Variants in IARS1 observed in about 807,000 individuals in gnomAD.
IARS1 encodes the protein isoleucine--tRNA ligase, cytoplasmic.
Under a neutral mutation model 168.2 loss-of-function variants are expected in IARS1, and 124 were observed. The observed-to-expected ratio is 0.74, with a 90% CI of 0.64 to 0.86. The LOEUF is 0.86. Among genes scored for constraint, IARS1 ranks in the 40% least tolerant of loss-of-function variants. IARS1 has a pLI of 0.00. For missense variants in IARS1, 1,452 were observed against 1,515.8 expected (o/e 0.96, Z 0.70); for synonymous variants, 532 against 529.4 (o/e 1.00, Z -0.07).
chr9:92,223,013 A>G (rs1396808827), intron 32 of IARS1, among the ~76,000 whole-genome samples: 1 of 152,218 alleles, frequency 6.6e-6, no homozygotes, highest in Non-Finnish European at 1.5e-5. Flanking sequence ...CTATCAATCT[A>G]GTCTGTTGAT....
At position 92,251,772 on chromosome 9, in the gene IARS1, G is replaced by A. The variant is rs1418879912; in HGVS notation, c.2307+36C>T. ...AAGTAGGTGCTGAAGGCAGCCCATA[G>A]GCCAAAGGGTACTAGAAAGAAGCCA... is the stretch of plus-strand genomic sequence containing the variant. On this transcript the variant is annotated intron_variant, in intron 22 of 33. Coordinates refer to ENST00000443024, the MANE Select transcript of IARS1 (RefSeq NM_002161.6). 7 of 1,528,456 alleles carry A rather than the reference G, an allele frequency of 4.6e-6. No individual in the cohort carries two copies. The South Asian group carries it at 7.9e-5, about 17-fold the overall frequency. The allele number at this position is 1,528,456 out of a possible 1,614,324, so 94.7% of individuals were successfully genotyped here. A position where few individuals can be genotyped will look rare whatever the true frequency, so the allele number is the denominator to read the frequency against.
chr9:92,214,904 T>A (rs190212765), intron 33 of IARS1, among the ~76,000 whole-genome samples: 1 of 152,192 alleles, frequency 6.6e-6, no homozygotes. Flanking sequence ...GAAGCTCGAA[T>A]TGGGTGGAGC....
chr9:92,280,764 G>T lies in IARS1; in HGVS notation c.727C>A (p.Gln243Lys). The change falls in exon 7 of 34, where the codon CAA (glutamine) becomes AAA (lysine). Residue 243 changes from glutamine to lysine, a missense_variant. Physicochemically the swap from Gln to Lys is moderately conservative, Grantham distance 53. Transcript: ENST00000443024. ...CACTTACCTTTAATTTTCACATATT[G>T]CATTTCTGGATTAACACACACAGCA... Reference protein sequence around the residue: ...NLAVCVNPEMQYVKIKDVARG... With the variant: ...NLAVCVNPEMKYVKIKDVARG... The T allele has an allele frequency of 1.9e-6, 3 of 1,608,140 alleles. No individual in the cohort carries two copies. Among genetic ancestry groups the T allele is most frequent in the Non-Finnish European group, 2.5e-6 (3 of 1,176,866 alleles).
At chr9:92,227,244 TTTTCCCCACC>T (rs1825849299) in intron 31 of IARS1, among the ~76,000 whole-genome samples, 3 of 147,606 alleles carry the variant, frequency 2.0e-5, no homozygotes, top group African/African-American at 7.6e-5. Context: ...TTTCTCAATC[TTTTCCCCACC>T]TTTCCCCCCT....
chr9:92,246,419 T>C (rs1829208652), intron 26 of IARS1, among the ~76,000 whole-genome samples: 1 of 152,154 alleles, frequency 6.6e-6, no homozygotes, highest in Admixed American at 6.5e-5. Context: ...ATGATTCTAA[T>C]CATGGCAGAG....
chr9:92,275,250 T>A (rs1346261895), intron 9 of IARS1, among the ~76,000 whole-genome samples: 1 of 152,234 alleles, frequency 6.6e-6, no homozygotes. Flanking sequence ...GTGAACAAGC[T>A]ATTAGTAGTC....
rs574701329 is a variant in IARS1, at chr9:92,253,537, G to C, written c.2138-84C>G. On this transcript the variant is annotated intron_variant, in intron 20 of 33. Transcript: ENST00000443024. ...AGAGGGTTGGATACAACAAAGAAGG[G>C]GCAGCTCCTTCCATCCAAGTGCCTC... The C allele has an allele frequency of 2.6e-5, 21 of 822,882 alleles. No individual in the cohort carries two copies. The Admixed American group carries it at 4.5e-4, about 17-fold the overall frequency. 51.0% of individuals were successfully genotyped at this position (822,882 alleles called of 1,614,324 possible).
chr9:92,249,897 A>G lies in IARS1; in HGVS notation c.2577T>C (p.Ala859=). The change falls in exon 25 of 34, where the codon GCT becomes GCC. Residue 859 remains alanine (A), a synonymous_variant. Coordinates refer to ENST00000443024, the MANE Select transcript of IARS1 (RefSeq NM_002161.6). ...EIVVIHQDPE[A]LKDIKSLEKY... ...TCTCCAAAGACTTGATATCTTTAAG[A>G]GCTTCTGGATCTTGATGGATAACCA... 1 of 1,607,588 alleles carries G rather than the reference A, an allele frequency of 6.2e-7. No homozygotes were observed. Among genetic ancestry groups the G allele is most frequent in the Non-Finnish European group, 8.5e-7 (1 of 1,174,414 alleles).
intron 33 of IARS1, among the ~76,000 whole-genome samples, chr9:92,214,640 G>T (rs537924987): frequency 4.3e-4 from 65 of 152,260 alleles, no homozygotes; most frequent in African/African-American, 1.4e-3. Context: ...TTCCCTTTCC[G>T]AGTCAAAGAA....
chr9:92,210,989 C>G, intron 33 of IARS1, 100 bp from the exon 34 acceptor site: 1 of 765,096 alleles, frequency 1.3e-6, no homozygotes, highest in Non-Finnish European at 2.3e-6. Context: ...GGAATTTGGC[C>G]TTATCCTAAG....
chr9:92,259,038 A>ACAGTAAACCAATTATTAC, intron 18 of IARS1, 40 bp from the exon 19 acceptor site: 1 of 1,534,362 alleles, frequency 6.5e-7, no homozygotes, highest in Non-Finnish European at 8.8e-7. Flanking sequence ...AGGTACTTAG[A>ACAGTAAACCAATTATTAC]CAGTAAACCA....
chr9:92,277,986 T>C (rs550795628), intron 8 of IARS1, 63 bp from the exon 9 acceptor site: 1 of 1,467,652 alleles, frequency 6.8e-7, no homozygotes, highest in Admixed American at 1.7e-5. Context: ...TGCAGCCACA[T>C]CAAGCTACCA....
At chr9:92,289,219 A>AAG (rs1468422576) in intron 2 of IARS1, 82 bp downstream of exon 2, 2 of 604,960 alleles carry the variant, frequency 3.3e-6, no homozygotes, top group African/African-American at 1.9e-5. Flanking sequence ...AAAAAAAAAA[A>AAG]AAAAAAAAGT....
intron 20 of IARS1, 65 bp from the exon 21 acceptor site, chr9:92,253,518 T>C: frequency 2.9e-6 from 3 of 1,031,782 alleles, no homozygotes; most frequent in Non-Finnish European, 3.0e-6. Context: ...GGGGAGAGGG[T>C]TGGATACAAC....
At chr9:92,260,300 T>C (rs2133792989) in intron 17 of IARS1, 66 bp from the exon 18 acceptor site, 2 of 1,044,796 alleles carry the variant, frequency 1.9e-6, no homozygotes, top group Middle Eastern at 4.0e-4. Flanking sequence ...GTTTTAAGGA[T>C]ACAAATCATT....
In IARS1 at chr9:92,270,997, G is replaced by A; in HGVS notation, c.1193C>T (p.Pro398Leu). Reference protein sequence around the residue: ...LVATTFTHSYPFCWRSDTPLI... With the variant: ...LVATTFTHSYLFCWRSDTPLI... ...TGTTTCTTCTGACCTCCAGCAAAAA[G>A]GGTAGCTGTGAGTGAAGGTGGTGGC... Residue 398 changes from proline to leucine, a missense_variant, in exon 12 of 34, where the codon CCT becomes CTT. Pro to Leu is a moderately conservative substitution (Grantham distance 98, BLOSUM62 -3). Coordinates refer to ENST00000443024, the MANE Select transcript of IARS1 (RefSeq NM_002161.6). 1 of 1,611,140 alleles carries A rather than the reference G, an allele frequency of 6.2e-7. No individual in the cohort carries two copies. The highest frequency in any genetic ancestry group is 8.5e-7 in the Non-Finnish European group (1 of 1,178,344).
Position 92,247,437 on chromosome 9 carries a change from C to A in IARS1, c.2731G>T (p.Ala911Ser). The change falls in exon 26 of 34, where the codon GCA becomes TCA. Residue 911 changes from alanine to serine, a missense_variant. Ala to Ser is a moderately conservative substitution (Grantham distance 99). Coordinates refer to ENST00000443024, the MANE Select transcript of IARS1 (RefSeq NM_002161.6). The stretch of plus-strand genomic sequence containing the variant: ...AACTGCTTGATGGACGTCATCACTG[C>A]CTTAAAGGCTCCCTTCAGACGCTTC... The part of the protein sequence containing the change: ...LGKRLKGAFK[A>S]VMTSIKQLSS... 1 of 1,614,170 alleles carries A rather than the reference C, an allele frequency of 6.2e-7. No individual in the cohort carries two copies. Among genetic ancestry groups the A allele is most frequent in the African/African-American group, 1.3e-5 (1 of 75,032 alleles).
intron 9 of IARS1, 148 bp downstream of exon 9, chr9:92,277,715 C>A: frequency 1.7e-6 from 1 of 583,486 alleles, no homozygotes; most frequent in South Asian, 2.8e-5. Context: ...GAAAGCTACA[C>A]AAACAATTTA....
At chr9:92,254,662 T>TCC (rs1830472578) in intron 20 of IARS1, among the ~76,000 whole-genome samples, 1 of 152,198 alleles carries the variant, frequency 6.6e-6, no homozygotes, top group South Asian at 2.1e-4. Context: ...TTTTCTATGT[T>TCC]CTGGTTTCAA....
Sources: gnomAD v4.1 joint callset for allele counts (sites outside exome capture counted in the v4.1 genomes callset) on GRCh38, gnomAD v4.1.1 for gene constraint, MANE v1.5 for transcripts, NCBI Gene and HGNC (gene_info 2026-07-23, HGNC 2026-07-21) for gene names.